Variants in ARHGAP15 observed in about 807,000 individuals in gnomAD.
ARHGAP15 encodes Rho GTPase activating protein 15.
In ARHGAP15, 51 loss-of-function variants were observed where a neutral mutation model predicts 63.7. The observed-to-expected ratio is 0.80, with a 90% CI of 0.64 to 1.01. The LOEUF (loss-of-function observed/expected upper bound fraction) is 1.01. ARHGAP15 is among the 50% of genes least tolerant of loss of function. The pLI, the probability that ARHGAP15 is intolerant of heterozygous loss-of-function variation, is 0.00. For missense variants in ARHGAP15, 560 were observed against 564.6 expected (o/e 0.99, Z 0.08); for synonymous variants, 191 against 193.8 (o/e 0.99, Z 0.12).
chr2:143,727,621 G>T (rs1486913682), intron 13 of ARHGAP15, among the ~76,000 whole-genome samples: 1 of 152,176 alleles, frequency 6.6e-6, no homozygotes, highest in Non-Finnish European at 1.5e-5. Context: ...AAGGTTTTCA[G>T]CTCTCATGTT....
chr2:143,346,830 A>G (rs1405737838), intron 6 of ARHGAP15, among the ~76,000 whole-genome samples: 1 of 152,132 alleles, frequency 6.6e-6, no homozygotes, highest in African/African-American at 2.4e-5. Context: ...GATAAATTAA[A>G]TGGGTAGAAA....
intron 13 of ARHGAP15, among the ~76,000 whole-genome samples, chr2:143,754,613 ATCTG>A (rs1032552063): frequency 1.3e-5 from 2 of 152,198 alleles, no homozygotes; most frequent in Non-Finnish European, 2.9e-5. Context: ...AAGAATACAG[ATCTG>A]TCTGATTCTC....
intron 8 of ARHGAP15, among the ~76,000 whole-genome samples, chr2:143,458,694 C>G (rs1173078913): frequency 1.3e-5 from 2 of 152,120 alleles, no homozygotes; most frequent in East Asian, 3.8e-4. Flanking sequence ...AATTTATTCC[C>G]TCCTTTATAA....
chr2:143,655,526 G>T (rs1559106006), intron 12 of ARHGAP15, among the ~76,000 whole-genome samples: 1 of 152,100 alleles, frequency 6.6e-6, no homozygotes, highest in Non-Finnish European at 1.5e-5. Context: ...ATCTTTTGAT[G>T]CATAATTTCT....
At chr2:143,448,398 T>G (rs754159210) in intron 8 of ARHGAP15, among the ~76,000 whole-genome samples, 1 of 152,058 alleles carries the variant, frequency 6.6e-6, no homozygotes, top group Non-Finnish European at 1.5e-5. Flanking sequence ...ATGTGGAGAA[T>G]GGCAGAGATA....
intron 10 of ARHGAP15, among the ~76,000 whole-genome samples, chr2:143,545,834 A>G (rs1276573016): frequency 6.6e-6 from 1 of 152,122 alleles, no homozygotes; most frequent in Non-Finnish European, 1.5e-5. Context: ...TGCAAACAAA[A>G]ACAGATTAAA....
chr2:143,285,491 C>T (rs1000642081), intron 6 of ARHGAP15, among the ~76,000 whole-genome samples: 13 of 152,010 alleles, frequency 8.6e-5, no homozygotes, highest in African/African-American at 3.1e-4. Context: ...GGTGGCCAAA[C>T]TGTCTGATTA....
chr2:143,576,025 C>T (rs902070851), intron 11 of ARHGAP15, among the ~76,000 whole-genome samples: 2 of 151,990 alleles, frequency 1.3e-5, no homozygotes, highest in East Asian at 1.9e-4. Context: ...TAATCTAAAC[C>T]GGAGGAGGTG....
intron 2 of ARHGAP15, among the ~76,000 whole-genome samples, chr2:143,175,650 G>A (rs906022135): frequency 3.9e-5 from 6 of 152,154 alleles, no homozygotes; most frequent in Non-Finnish European, 8.8e-5. Context: ...CACAGATCTT[G>A]GGGTGACTAA....
chr2:143,235,257 T>TTTC (rs1693597930), intron 5 of ARHGAP15, among the ~76,000 whole-genome samples: 1 of 151,566 alleles, frequency 6.6e-6, no homozygotes, highest in African/African-American at 2.4e-5. Flanking sequence ...TTTTTTTTTT[T>TTTC]CCACTGAGAT....
At chr2:143,165,277 A>T (rs1690455922) in intron 2 of ARHGAP15, among the ~76,000 whole-genome samples, 1 of 152,078 alleles carries the variant, frequency 6.6e-6, no homozygotes. Context: ...TTCTTGCCTT[A>T]TGCTCTTACA....
rs764809473 is a variant in ARHGAP15, at chr2:143,437,021, C to T, written c.682C>T (p.Pro228Ser). 1.2e-6 allele frequency: 2 copies of T among 1,602,156 alleles called. No homozygotes were observed. The highest frequency in any genetic ancestry group is 2.2e-5 in the East Asian group (1 of 44,710). The change falls in exon 8 of 14, where the codon CCA (proline) becomes TCA (serine). Residue 228 changes from proline (P) to serine (S), a missense_variant. Coordinates refer to ENST00000295095, the MANE Select transcript of ARHGAP15 (RefSeq NM_018460.4). Reference protein sequence around the residue: ...HYDSDIKEQKPEHRKSLMFRL... With the variant: ...HYDSDIKEQKSEHRKSLMFRL... ...CGACAGTGATATAAAAGAACAGAAA[C>T]CAGAGCACAGAAAATCTTTAAGTGA...
At chr2:143,596,002 T>C (rs1697501757) in intron 11 of ARHGAP15, among the ~76,000 whole-genome samples, 1 of 152,110 alleles carries the variant, frequency 6.6e-6, no homozygotes, top group African/African-American at 2.4e-5. Flanking sequence ...GAAGGTACCA[T>C]CTTGGTTTTC....
rs115432728 is a variant in ARHGAP15 at position 143,212,773 on chromosome 2, C to T, written c.235-3611C>T. The stretch of plus-strand genomic sequence containing the variant: ...AAAATGCATAGCAATCTTTTGCTTG[C>T]CCTAATACTTCTTTCGGCACACTAT... On this transcript the variant is annotated intron_variant, in intron 3 of 13. Coordinates refer to ENST00000295095, the MANE Select transcript of ARHGAP15 (RefSeq NM_018460.4). Among the ~76,000 whole-genome samples, 1,411 of 152,226 alleles carry T rather than the reference C, an allele frequency of 9.3e-3. 12 individuals are homozygous for T. Among genetic ancestry groups the T allele is most frequent in the Non-Finnish European group, 0.015 (1,005 of 68,004 alleles).
chr2:143,214,754 A>G (rs1337095021), intron 3 of ARHGAP15, among the ~76,000 whole-genome samples: 1 of 152,224 alleles, frequency 6.6e-6, no homozygotes, highest in Non-Finnish European at 1.5e-5. Flanking sequence ...TATTCATCAA[A>G]TGCATTTTAA....
At chr2:143,440,255 TA>T in intron 8 of ARHGAP15, among the ~76,000 whole-genome samples, 1 of 152,308 alleles carries the variant, frequency 6.6e-6, no homozygotes, top group East Asian at 1.9e-4. Flanking sequence ...TTTTTTCAAG[TA>T]GGAAATACCC....
In ARHGAP15 at chr2:143,666,665, A is replaced by G. The variant is rs1446247262; in HGVS notation, c.1139-36754A>G. On this transcript the variant is annotated intron_variant, in intron 12 of 13. Transcript: ENST00000295095. ...ACATGGGAGAAAATTTTTGCAACCT[A>G]CTCATCTGACAAAGGGCTAATATCC... Among the ~76,000 whole-genome samples the G allele has an allele frequency of 1.7e-5, 2 of 115,978 alleles. 1 individual carries two copies. Among genetic ancestry groups the G allele is most frequent in the African/African-American group, 6.2e-5 (2 of 32,488 alleles). 76.1% of individuals were successfully genotyped at this position (115,978 alleles called of 152,430 possible).
intron 12 of ARHGAP15, among the ~76,000 whole-genome samples, chr2:143,646,132 CAT>C (rs1418538577): frequency 6.6e-6 from 1 of 151,996 alleles, no homozygotes; most frequent in Non-Finnish European, 1.5e-5. Flanking sequence ...GGGAAACAGA[CAT>C]GTGATGAGAT....
At chr2:143,299,341 T>G (rs1356717978) in intron 6 of ARHGAP15, among the ~76,000 whole-genome samples, 1 of 151,944 alleles carries the variant, frequency 6.6e-6, no homozygotes, top group Non-Finnish European at 1.5e-5. Context: ...ATTTTCCTTT[T>G]TAAGCATCAA....
Sources: gnomAD v4.1 joint callset for allele counts (sites outside exome capture counted in the v4.1 genomes callset) on GRCh38, gnomAD v4.1.1 for gene constraint, MANE v1.5 for transcripts, NCBI Gene and HGNC (gene_info 2026-07-23, HGNC 2026-07-21) for gene names.